Variants in CPZ observed in about 807,000 individuals in gnomAD.
The protein encoded by CPZ is VEZT/CPZ fusion.
A neutral mutation model predicts 61.8 loss-of-function variants in CPZ; 103 were observed. That is an observed-to-expected ratio of 1.67 (90% CI 1.42 to 1.96). The LOEUF (loss-of-function observed/expected upper bound fraction) is 1.96, where lower values mean the gene tolerates loss of function less well. Among genes scored for constraint, CPZ ranks in the 30% most tolerant of loss-of-function variants. The pLI is 0.00. For missense variants in CPZ, 1,461 were observed against 914.9 expected, an observed-to-expected ratio of 1.60 and a Z score of -7.70; for synonymous variants, 551 against 373.7, an observed-to-expected ratio of 1.47 and a Z score of -5.47.
chr4:8,616,642 TAGC>T (rs1053575770), intron 9 of CPZ, among the ~76,000 whole-genome samples: 3 of 152,134 alleles, frequency 2.0e-5, no homozygotes, highest in Admixed American at 2.0e-4. Flanking sequence ...AGGGTATTCT[TAGC>T]AGAGAAGGCT....
At chr4:8,598,089 C>A (rs1013353597) in intron 1 of CPZ, among the ~76,000 whole-genome samples, 3 of 152,254 alleles carry the variant, frequency 2.0e-5, no homozygotes, top group African/African-American at 7.2e-5. Context: ...TGTTCCACGC[C>A]CGGAGAGCGC....
intron 8 of CPZ, among the ~76,000 whole-genome samples, chr4:8,613,578 T>C (rs1715898461): frequency 6.6e-6 from 1 of 152,166 alleles, no homozygotes; most frequent in South Asian, 2.1e-4. Context: ...TCAGGAGCCT[T>C]GAACTTCAGA....
intron 7 of CPZ, among the ~76,000 whole-genome samples, chr4:8,609,600 T>A (rs1577121043): frequency 6.7e-6 from 1 of 148,482 alleles, no homozygotes; most frequent in East Asian, 1.9e-4. Context: ...AGGGCAGGTG[T>A]CCCCCTCTGC....
At chr4:8,609,117 C>CA (rs1560297856) in intron 7 of CPZ, among the ~76,000 whole-genome samples, 3 of 39,062 alleles carry the variant, frequency 7.7e-5, no homozygotes, top group Non-Finnish European at 1.3e-4. Flanking sequence ...CTTCCTCACT[C>CA]CCTCACTCAT....
intron 2 of CPZ, 178 bp from the exon 3 acceptor site, chr4:8,600,945 G>A (rs763646760): frequency 1.5e-4 from 207 of 1,351,946 alleles, no homozygotes; most frequent in Non-Finnish European, 1.9e-4. Context: ...CTCCTCCTCT[G>A]GTCTCTCACA....
chr4:8,596,694 G>A (rs934356521), intron 1 of CPZ, among the ~76,000 whole-genome samples: 4 of 152,210 alleles, frequency 2.6e-5, no homozygotes, highest in Non-Finnish European at 2.9e-5. Context: ...ACTGAGGCAC[G>A]GGCAGTGGTT....
chr4:8,607,691 G>A lies in CPZ; in HGVS notation c.1227+266G>A, dbSNP rs577034393. ...CATGTCCCCGTCTGGGAGCTCCTGG[G>A]GTGGGGACCCTGCCTCAGCGCTGCT... is the stretch of plus-strand genomic sequence containing the variant. On this transcript the variant is annotated intron_variant, in intron 7 of 10. Coordinates refer to ENST00000360986, the MANE Select transcript of CPZ (RefSeq NM_001014447.3). Among the ~76,000 whole-genome samples, 8 of 152,304 alleles carry A rather than the reference G, an allele frequency of 5.3e-5. No homozygotes were observed. In the East Asian group the frequency reaches 1.5e-3, roughly 29 times the overall value.
chr4:8,593,954 C>T (rs1209920817), intron 1 of CPZ, among the ~76,000 whole-genome samples: 1 of 152,170 alleles, frequency 6.6e-6, no homozygotes. Context: ...TGGGCCTCCC[C>T]TTGGCCCCTG....
intron 9 of CPZ, among the ~76,000 whole-genome samples, chr4:8,616,587 G>A (rs1716187397): frequency 6.6e-6 from 1 of 152,128 alleles, no homozygotes; most frequent in Non-Finnish European, 1.5e-5. Context: ...AGTGTGAGCT[G>A]TGTTTTGAAG....
At position 8,606,806 on chromosome 4, in the gene CPZ, C is replaced by T. The variant is rs750663941; in HGVS notation, c.976C>T (p.Pro326Ser). The T allele has an allele frequency of 1.2e-6, 2 of 1,614,136 alleles. No individual in the cohort carries two copies. The highest frequency in any genetic ancestry group is 1.6e-4 in the Middle Eastern group (1 of 6,062). ...AQNLDLNRNF[P>S]DLTSEYYRLA... ...GAACCTGGATCTGAACCGAAATTTCCCGGACCTGACGTCCGAGTACTACCG... is the reference window on the plus strand; with the variant it reads ...GAACCTGGATCTGAACCGAAATTTCTCGGACCTGACGTCCGAGTACTACCG... The change falls in exon 6 of 11, where the codon CCG (proline) becomes TCG (serine). Residue 326 changes from proline to serine, a missense_variant. Transcript: ENST00000360986.
Position 8,606,072 on chromosome 4 carries a change from C to G in CPZ, c.793C>G (p.Leu265Val), listed in dbSNP as rs761156679. 1.9e-6 allele frequency: 3 copies of G among 1,614,226 alleles called. No homozygotes were observed. Among genetic ancestry groups the G allele is most frequent in the South Asian group, 2.2e-5 (2 of 91,082 alleles). Reference sequence around the variant, plus strand: ...GATGCTCATCTACCTAGCCCAGTACCTGTGCTCTGAGTACCTGCTTGGTAA... The same window carrying G: ...GATGCTCATCTACCTAGCCCAGTACGTGTGCTCTGAGTACCTGCTTGGTAA... The part of the protein sequence containing the change: ...REMLIYLAQY[L>V]CSEYLLGNPR... Residue 265 changes from leucine (L) to valine (V), a missense_variant, in exon 5 of 11, where the codon CTG (leucine) becomes GTG (valine). Physicochemically the swap from Leu to Val is conservative, Grantham distance 32. Transcript: ENST00000360986.
chr4:8,595,556 G>A lies in CPZ; in HGVS notation c.88+2635G>A, dbSNP rs998087590. On this transcript the variant is annotated intron_variant, in intron 1 of 10. Coordinates refer to ENST00000360986, the MANE Select transcript of CPZ (RefSeq NM_001014447.3). ...GGCCAAGGCAGCTGGCAAAGGCCCAGCCACATCATGGGACTAGCTGTGTGG... is the reference window on the plus strand; with the variant it reads ...GGCCAAGGCAGCTGGCAAAGGCCCAACCACATCATGGGACTAGCTGTGTGG... 5.3e-5 allele frequency among the ~76,000 whole-genome samples: 8 copies of A among 152,352 alleles called. No individual in the cohort carries two copies. The South Asian group carries it at 6.2e-4, about 12-fold the overall frequency.
At position 8,619,723 on chromosome 4, in the gene CPZ, C is replaced by A. The variant is rs1213416697; in HGVS notation, c.*106C>A. 4 of 847,626 alleles carry A rather than the reference C, an allele frequency of 4.7e-6. No homozygotes were observed. The highest frequency in any genetic ancestry group is 2.2e-5 in the South Asian group (1 of 44,566). The allele number at this position is 847,626 out of a possible 1,614,324, so 52.5% of individuals were successfully genotyped here. On this transcript the variant is annotated 3_prime_UTR_variant, in exon 11 of 11. Transcript: ENST00000360986. ...CCACAGACATCCCACAAAGCCGCTG[C>A]CATTTTATTAAAGTGTTTTGATCCA...
intron 4 of CPZ, among the ~76,000 whole-genome samples, chr4:8,604,972 G>A (rs1203527367): frequency 6.6e-6 from 1 of 152,216 alleles, no homozygotes; most frequent in African/African-American, 2.4e-5. Flanking sequence ...GGCCCCCAAG[G>A]CTCACTATGT....
At position 8,601,233 on chromosome 4, in the gene CPZ, G is replaced by A. The variant is rs748204322; in HGVS notation, c.232G>A (p.Glu78Lys). Residue 78 changes from glutamate (E) to lysine (K), a missense_variant, in exon 3 of 11, where the codon GAG (glutamate) becomes AAG (lysine). By Grantham distance (56) the Glu-to-Lys change is moderately conservative. Coordinates refer to ENST00000360986, the MANE Select transcript of CPZ (RefSeq NM_001014447.3). ...RSWEVVEASS[E>K]YILLSVLHQL... ...GTGGGAGGTGGTGGAGGCCAGCTCCGAGTACATCCTGCTGAGCGTTCTACA... is the reference window on the plus strand; with the variant it reads ...GTGGGAGGTGGTGGAGGCCAGCTCCAAGTACATCCTGCTGAGCGTTCTACA... 22 of 1,613,314 alleles carry A rather than the reference G, an allele frequency of 1.4e-5. No individual in the cohort carries two copies. The highest frequency in any genetic ancestry group is 1.6e-4 in the Middle Eastern group (1 of 6,084).
At chr4:8,612,286 C>T (rs925021010) in intron 8 of CPZ, 124 bp downstream of exon 8, 17 of 804,246 alleles carry the variant, frequency 2.1e-5, no homozygotes, top group African/African-American at 3.6e-5. Flanking sequence ...GAAGACAGGG[C>T]GATGCCTCAC....
rs767375503 is a variant in CPZ, at chr4:8,619,271, G to A, written c.1613G>A (p.Gly538Asp). ...ATCTATTTGTCCACAGCCCCAGATGGTGACTACTGGAGACTGCTGCCCCCA... is the reference window on the plus strand; with the variant it reads ...ATCTATTTGTCCACAGCCCCAGATGATGACTACTGGAGACTGCTGCCCCCA... ...IRHDITTAPD[G>D]DYWRLLPPGI... Residue 538 changes from glycine to aspartate, a missense_variant, in exon 11 of 11, where the codon GGT becomes GAT. Transcript: ENST00000360986. 2 of 1,610,638 alleles carry A rather than the reference G, an allele frequency of 1.2e-6. No homozygotes were observed. The highest frequency in any genetic ancestry group is 2.2e-5 in the South Asian group (2 of 90,434).
intron 9 of CPZ, 76 bp from the exon 10 acceptor site, chr4:8,618,352 TG>T: frequency 1.4e-6 from 2 of 1,398,092 alleles, no homozygotes. Flanking sequence ...GAGGAGCATG[TG>T]GGGAACGAGC....
chr4:8,612,211 G>GC, intron 8 of CPZ, 49 bp downstream of exon 8: 2 of 215,364 alleles, frequency 9.3e-6, no homozygotes, highest in Non-Finnish European at 1.7e-5. Context: ...GGGTGCAGGG[G>GC]CTGGGTGGGG....
Sources: gnomAD v4.1 joint callset for allele counts (sites outside exome capture counted in the v4.1 genomes callset) on GRCh38, gnomAD v4.1.1 for gene constraint, MANE v1.5 for transcripts, NCBI Gene and HGNC (gene_info 2026-07-23, HGNC 2026-07-21) for gene names.